The following NBPF26 variants were observed in gnomAD, a reference collection of about 807,000 sequenced individuals.
NBPF26 encodes the protein NBPF member 26.
A neutral mutation model predicts 119.6 loss-of-function variants in NBPF26; 79 were observed. That is an observed-to-expected ratio of 0.66 (90% confidence interval 0.55 to 0.80). NBPF26 has a LOEUF of 0.80. NBPF26 is among the 30% of genes least tolerant of loss of function. The probability of loss-of-function intolerance (pLI) is 0.00; values close to 1 mark genes in which losing one functional copy is unlikely to be tolerated. For synonymous variants in NBPF26, 299 were observed against 457.7 expected (o/e 0.65, Z 4.43); for missense variants, 800 against 1,198.2 (o/e 0.67, Z 4.91).
At chr1:120,726,722 A>AT in intron 1 of NBPF26, among the ~76,000 whole-genome samples, 1 of 104,428 alleles carries the variant, frequency 9.6e-6, no homozygotes, top group Non-Finnish European at 1.8e-5. Flanking sequence ...ACCTAAAACT[A>AT]TTTTTCCTTT....
intron 17 of NBPF26, among the ~76,000 whole-genome samples, 179 bp downstream of exon 17, chr1:120,823,539 A>C (rs1652174517): frequency 8.8e-6 from 1 of 113,890 alleles, no homozygotes; most frequent in African/African-American, 5.1e-5. Context: ...ATTTCTTCCT[A>C]CCCTTATCAT....
At chr1:120,807,231 C>T (rs1165403978) in intron 5 of NBPF26, among the ~76,000 whole-genome samples, 1 of 126,116 alleles carries the variant, frequency 7.9e-6, no homozygotes, top group Non-Finnish European at 1.6e-5. Flanking sequence ...GGGGCCTTCC[C>T]GACTGTACAA....
chr1:120,816,951 T>C (rs1406072522), intron 14 of NBPF26, 124 bp downstream of exon 14: 2 of 1,147,950 alleles, frequency 1.7e-6, no homozygotes, highest in Non-Finnish European at 2.4e-6. Context: ...TAAACAGATA[T>C]CAGGGAGTTT....
Position 120,765,836 on chromosome 1 carries a change from T to C in NBPF26, c.155+2127T>C, listed in dbSNP as rs1264884832. Among the ~76,000 whole-genome samples the C allele has an allele frequency of 7.2e-5, 9 of 124,722 alleles. 2 individuals are homozygous for C. The highest frequency in any genetic ancestry group is 1.3e-4 in the Non-Finnish European group (8 of 60,554). 81.8% of individuals were successfully genotyped at this position (124,722 alleles called of 152,430 possible). A position where few individuals can be genotyped will look rare whatever the true frequency, so the allele number is the denominator to read the frequency against. ...TGAGTTCATGTCCTTTGCAGGGACA[T>C]GGATGAAGCTGGAAGCCATCATTCT... On this transcript the variant is annotated intron_variant, in intron 2 of 29. Transcript: ENST00000620612.
At chr1:120,804,318 A>C (rs1651624566) in intron 4 of NBPF26, among the ~76,000 whole-genome samples, 1 of 107,378 alleles carries the variant, frequency 9.3e-6, no homozygotes, top group Admixed American at 9.1e-5. Flanking sequence ...CCTCAAACTC[A>C]CCTTCTACTG....
intron 9 of NBPF26, among the ~76,000 whole-genome samples, chr1:120,811,627 A>C (rs1262014412): frequency 8.8e-6 from 1 of 113,506 alleles, no homozygotes; most frequent in Non-Finnish European, 1.7e-5. Context: ...TGGGGTAAAA[A>C]TCTCAGGGCC....
At chr1:120,727,294 A>AT (rs1373352954) in intron 1 of NBPF26, among the ~76,000 whole-genome samples, 7 of 99,050 alleles carry the variant, frequency 7.1e-5, no homozygotes, top group African/African-American at 1.3e-4. Flanking sequence ...GATTAAGTAC[A>AT]TTTTTTTTTA....
intron 2 of NBPF26, among the ~76,000 whole-genome samples, chr1:120,767,594 T>G (rs1210242662): frequency 5.5e-5 from 4 of 72,760 alleles, no homozygotes; most frequent in Non-Finnish European, 9.4e-5. Flanking sequence ...AAAACTCAAT[T>G]ATTGCTGTTA....
chr1:120,729,088 G>A lies in NBPF26; in HGVS notation c.73+4838G>A, dbSNP rs1385794367. Among the ~76,000 whole-genome samples, 4 of 107,870 alleles carry A rather than the reference G, an allele frequency of 3.7e-5. 1 individual carries two copies. Among genetic ancestry groups the A allele is most frequent in the African/African-American group, 2.4e-4 (4 of 16,724 alleles). 70.8% of individuals were successfully genotyped at this position (107,870 alleles called of 152,430 possible). On this transcript the variant is annotated intron_variant, in intron 1 of 29. Coordinates refer to ENST00000620612, the Ensembl canonical transcript of NBPF26. ...TTTCCCACCTTTAGAACATTCTATA[G>A]GAGAGGCTGATGGTGAGTTGGAGTG...
At position 120,818,998 on chromosome 1, in the gene NBPF26, C is replaced by T. The variant is rs1203181421; in HGVS notation, c.2423+824C>T. Among the ~76,000 whole-genome samples the T allele has an allele frequency of 3.6e-5, 4 of 111,242 alleles. 1 individual carries two copies. The highest frequency in any genetic ancestry group is 8.8e-5 in the Admixed American group (1 of 11,382). The allele number at this position is 111,242 out of a possible 152,430, so 73.0% of individuals were successfully genotyped here. The stretch of plus-strand genomic sequence containing the variant: ...GTTCTGTAGATGTCTTTTAGGTCTG[C>T]TTGGTGGAGAGCTGAGTTCAAGTCC... On this transcript the variant is annotated intron_variant, in intron 15 of 29. Coordinates refer to ENST00000620612, the Ensembl canonical transcript of NBPF26.
intron 18 of NBPF26, among the ~76,000 whole-genome samples, chr1:120,829,593 C>T (rs1195786407): frequency 9.3e-6 from 1 of 108,068 alleles, no homozygotes; most frequent in African/African-American, 5.7e-5. Context: ...GGGACAAAAA[C>T]CAAGGAATCT....
chr1:120,807,357 G>C (rs1553270218), intron 5 of NBPF26, among the ~76,000 whole-genome samples: 4 of 124,456 alleles, frequency 3.2e-5, no homozygotes, highest in Admixed American at 3.1e-4. Flanking sequence ...ACTCCACTTC[G>C]TTGTGGTTGA....
intron 2 of NBPF26, among the ~76,000 whole-genome samples, chr1:120,770,923 G>T (rs1425920412): frequency 8.9e-6 from 1 of 112,320 alleles, no homozygotes. Context: ...AGTAGCATTA[G>T]GTAGGCCTGA....
In NBPF26 at chr1:120,737,785, G is replaced by A. The variant is rs1250433380; in HGVS notation, c.73+13535G>A. Among the ~76,000 whole-genome samples, 3 of 122,360 alleles carry A rather than the reference G, an allele frequency of 2.5e-5. 1 individual carries two copies. The highest frequency in any genetic ancestry group is 5.0e-5 in the Non-Finnish European group (3 of 60,380). 80.3% of individuals were successfully genotyped at this position (122,360 alleles called of 152,430 possible). On this transcript the variant is annotated intron_variant, in intron 1 of 29. Transcript: ENST00000620612. ...GGTGGAGTTACTTTCTCAGAAAAGG[G>A]CTTTATATTTTAACATTTGTTTCCC... is the stretch of plus-strand genomic sequence containing the variant.
chr1:120,818,492 G>A (rs1433759676), intron 15 of NBPF26, among the ~76,000 whole-genome samples: 3 of 124,270 alleles, frequency 2.4e-5, no homozygotes, highest in Non-Finnish European at 4.9e-5. Flanking sequence ...CTTTAGTTCT[G>A]CTCTGATCTT....
At chr1:120,810,070 T>C (rs1303491341) in intron 8 of NBPF26, among the ~76,000 whole-genome samples, 187 bp downstream of exon 8, 4 of 130,414 alleles carry the variant, frequency 3.1e-5, no homozygotes, top group Non-Finnish European at 6.3e-5. Context: ...CCAAGTGTCA[T>C]GTCTGTACCA....
intron 1 of NBPF26, 94 bp downstream of exon 1, chr1:120,724,344 C>A: frequency 7.4e-7 from 1 of 1,354,700 alleles, no homozygotes; most frequent in South Asian, 1.3e-5. Context: ...TGTGGGAAGG[C>A]CAGGCTCGGC....
chr1:120,754,045 C>CA (rs1246058665), intron 1 of NBPF26, among the ~76,000 whole-genome samples: 4 of 80,318 alleles, frequency 5.0e-5, no homozygotes, highest in Non-Finnish European at 6.5e-5. Flanking sequence ...ACTAAAAATA[C>CA]AAAAAAAATT....
At chr1:120,804,827 GAC>G (rs1651640648) in intron 4 of NBPF26, among the ~76,000 whole-genome samples, 1 of 118,032 alleles carries the variant, frequency 8.5e-6, no homozygotes, top group Non-Finnish European at 1.6e-5. Flanking sequence ...AGAATACTGA[GAC>G]AGGAAAGAAA....
Sources: gnomAD v4.1 joint callset for allele counts (sites outside exome capture counted in the v4.1 genomes callset) on GRCh38, gnomAD v4.1.1 for gene constraint, MANE v1.5 for transcripts, NCBI Gene and HGNC (gene_info 2026-07-23, HGNC 2026-07-21) for gene names.